LAMC1: variants seen among roughly 807,000 people sequenced by gnomAD.
The protein encoded by LAMC1 is laminin subunit gamma 1.
LAMC1 carries 38 observed loss-of-function variants against 173.6 expected under a neutral mutation model. The observed-to-expected ratio is 0.22, with a 90% CI of 0.17 to 0.29. The LOEUF is 0.29. Among genes scored for constraint, LAMC1 ranks in the 10% least tolerant of loss-of-function variants. The probability of loss-of-function intolerance (pLI) is 1.00; values close to 1 mark genes in which losing one functional copy is unlikely to be tolerated. For missense variants in LAMC1, 1,824 were observed against 2,051.8 expected, an observed-to-expected ratio of 0.89 and a Z score of 2.14; for synonymous variants, 746 against 749.1, an observed-to-expected ratio of 1.00 and a Z score of 0.07.
At position 183,114,548 on chromosome 1, in the gene LAMC1, C is replaced by A; in HGVS notation, c.1039C>A (p.Arg347=). 6.2e-7 allele frequency: 1 copy of A among 1,614,098 alleles called. No individual in the cohort carries two copies. The highest frequency in any genetic ancestry group is 1.1e-5 in the South Asian group (1 of 91,042). The change falls in exon 5 of 28, where the codon CGA becomes AGA. Residue 347 remains arginine, a synonymous_variant. Coordinates refer to ENST00000258341, the MANE Select transcript of LAMC1 (RefSeq NM_002293.4). ...ACTGACAGCCTGTGATTGCAATGGT[C>A]GATCCCAGGAATGCTACTTCGACCC... is the stretch of plus-strand genomic sequence containing the variant. ...SECLPCDCNG[R]SQECYFDPEL...
intron 1 of LAMC1, among the ~76,000 whole-genome samples, chr1:183,024,343 GTC>G (rs1308858207): frequency 6.6e-6 from 1 of 152,224 alleles, no homozygotes; most frequent in African/African-American, 2.4e-5. Context: ...TTCCGCACGA[GTC>G]TCTCTGCTTT....
intron 17 of LAMC1, 80 bp downstream of exon 17, chr1:183,127,484 A>G: frequency 7.5e-7 from 1 of 1,337,882 alleles, no homozygotes; most frequent in Non-Finnish European, 1.1e-6. Flanking sequence ...CTCTATAGAA[A>G]AAGTGGTGAA....
At chr1:183,072,010 G>T (rs1655022844) in intron 1 of LAMC1, among the ~76,000 whole-genome samples, 1 of 152,210 alleles carries the variant, frequency 6.6e-6, no homozygotes, top group Non-Finnish European at 1.5e-5. Context: ...TGTATTTAGA[G>T]TAGAAGCTAA....
chr1:183,122,018 A>G (rs764370242), intron 12 of LAMC1, 45 bp from the exon 13 acceptor site: 12 of 1,608,698 alleles, frequency 7.5e-6, no homozygotes, highest in Non-Finnish European at 1.0e-5. Flanking sequence ...ATTGTCTTAT[A>G]TACTTGTACA....
At chr1:183,047,348 C>G (rs948963263) in intron 1 of LAMC1, among the ~76,000 whole-genome samples, 10 of 152,166 alleles carry the variant, frequency 6.6e-5, no homozygotes, top group African/African-American at 2.2e-4. Context: ...AACTAAATCA[C>G]TCAATTACAG....
intron 1 of LAMC1, among the ~76,000 whole-genome samples, chr1:183,045,463 T>C (rs1654243509): frequency 6.6e-6 from 1 of 152,112 alleles, no homozygotes; most frequent in African/African-American, 2.4e-5. Flanking sequence ...CTATATGTGG[T>C]AATTGGCAAC....
chr1:183,119,674 G>A (rs1194463441), intron 11 of LAMC1, among the ~76,000 whole-genome samples: 1 of 152,088 alleles, frequency 6.6e-6, no homozygotes, highest in South Asian at 2.1e-4. Context: ...GGTCAAGGCT[G>A]CAGTGAGTGG....
At chr1:183,053,421 T>TG (rs61296365) in intron 1 of LAMC1, among the ~76,000 whole-genome samples, 49,955 of 149,604 alleles carry the variant, frequency 0.33, 9,396 homozygotes, top group East Asian at 0.49. Flanking sequence ...TTGTGTGTGT[T>TG]TTTTTTTTTC....
intron 3 of LAMC1, among the ~76,000 whole-genome samples, chr1:183,109,932 C>T (rs372525400): frequency 2.6e-5 from 4 of 152,144 alleles, no homozygotes; most frequent in Non-Finnish European, 2.9e-5. Flanking sequence ...ATGTGTCTCA[C>T]CACCTTTAGG....
intron 1 of LAMC1, among the ~76,000 whole-genome samples, chr1:183,079,527 A>G (rs962378061): frequency 6.6e-6 from 1 of 151,988 alleles, no homozygotes; most frequent in Non-Finnish European, 1.5e-5. Flanking sequence ...AAGTGCTGGG[A>G]GGCAATTCAC....
intron 25 of LAMC1, among the ~76,000 whole-genome samples, chr1:183,137,037 C>A (rs889415036): frequency 5.9e-5 from 9 of 152,132 alleles, no homozygotes; most frequent in Non-Finnish European, 4.4e-5. Context: ...TGCTAGGATT[C>A]TTTGAAGTCA....
In LAMC1 at chr1:183,126,095, A is replaced by G. The variant is rs113273514; in HGVS notation, c.2802-25A>G. The G allele has an allele frequency of 2.7e-5, 43 of 1,595,304 alleles. 2 individuals are homozygous for G. In the African/African-American group the frequency reaches 3.1e-4, roughly 12 times the overall value. On this transcript the variant is annotated intron_variant, in intron 15 of 27. Transcript: ENST00000258341. Reference sequence around the variant, plus strand: ...GCTTAAAGTCTGTTTTTCTTGCCTGAGAAATGTCCTGTGTTCATTTTCAGG... The same window carrying G: ...GCTTAAAGTCTGTTTTTCTTGCCTGGGAAATGTCCTGTGTTCATTTTCAGG...
At chr1:183,045,166 T>G in intron 1 of LAMC1, among the ~76,000 whole-genome samples, 1 of 151,230 alleles carries the variant, frequency 6.6e-6, no homozygotes, top group African/African-American at 2.4e-5. Flanking sequence ...ATATGGCCAG[T>G]TGATTAGTAT....
chr1:183,084,269 G>T (rs1655365598), intron 1 of LAMC1, among the ~76,000 whole-genome samples: 1 of 152,062 alleles, frequency 6.6e-6, no homozygotes, highest in Non-Finnish European at 1.5e-5. Flanking sequence ...CGTGAACCCG[G>T]GAGGCGGAGC....
intron 2 of LAMC1, among the ~76,000 whole-genome samples, chr1:183,105,320 G>A (rs1655949975): frequency 6.6e-6 from 1 of 151,372 alleles, no homozygotes; most frequent in East Asian, 1.9e-4. Context: ...TACTCTTTAA[G>A]TTGATCAGCT....
At position 183,142,735 on chromosome 1, in the gene LAMC1, T is replaced by G; in HGVS notation, c.4775T>G (p.Ile1592Ser). ...AAGGACATTCGCAATCTGGAGGACA[T>G]CAGGAAGACCTTACCATCTGGCTGC... ...IMKDIRNLEDIRKTLPSGCFN... is the reference protein window; with the variant it reads ...IMKDIRNLEDSRKTLPSGCFN... The change falls in exon 28 of 28, where the codon ATC (isoleucine) becomes AGC (serine). Residue 1592 changes from isoleucine (I) to serine (S), a missense_variant. Transcript: ENST00000258341. 1 of 1,613,944 alleles carries G rather than the reference T, an allele frequency of 6.2e-7. No individual in the cohort carries two copies. The highest frequency in any genetic ancestry group is 8.5e-7 in the Non-Finnish European group (1 of 1,179,902).
intron 1 of LAMC1, among the ~76,000 whole-genome samples, chr1:183,078,718 A>G (rs990497843): frequency 1.3e-5 from 2 of 152,070 alleles, no homozygotes; most frequent in African/African-American, 2.4e-5. Flanking sequence ...ATAACATATA[A>G]AGAATATTGA....
At chr1:183,028,104 A>G (rs1252286408) in intron 1 of LAMC1, among the ~76,000 whole-genome samples, 2 of 152,012 alleles carry the variant, frequency 1.3e-5, no homozygotes, top group South Asian at 2.1e-4. Flanking sequence ...AAGGGCATTC[A>G]AAAAAGAATT....
rs1418243861 is a variant in LAMC1, at chr1:183,103,580, C to T, written c.671C>T (p.Thr224Ile). 5 of 1,608,160 alleles carry T rather than the reference C, an allele frequency of 3.1e-6. No individual in the cohort carries two copies. Among genetic ancestry groups the T allele is most frequent in the Non-Finnish European group, 4.2e-6 (5 of 1,176,812 alleles). The change falls in exon 2 of 28, where the codon ACC (threonine) becomes ATC (isoleucine). Residue 224 changes from threonine to isoleucine, a missense_variant. By Grantham distance (89) the Thr-to-Ile change is moderately conservative (BLOSUM62 -1). Coordinates refer to ENST00000258341, the MANE Select transcript of LAMC1 (RefSeq NM_002293.4). ...PLTGGNVAFS[T>I]LEGRPSAYNF... is the part of the protein sequence containing the mutation. ...ACTGGGGGCAACGTGGCCTTTTCTA[C>T]CCTGGAAGGAAGGCCCAGCGCCTAT... is the stretch of plus-strand genomic sequence containing the variant.
Sources: allele counts gnomAD v4.1 joint callset (sites outside exome capture counted in the v4.1 genomes callset), GRCh38; gene constraint gnomAD v4.1.1; transcripts MANE v1.5; gene names NCBI Gene and HGNC (gene_info 2026-07-23, HGNC 2026-07-21).